Variants in TFEC observed in about 807,000 individuals in gnomAD.
The protein encoded by TFEC is class E basic helix-loop-helix protein 34.
Under a neutral mutation model 41.6 loss-of-function variants are expected in TFEC, and 31 were observed. The observed-to-expected ratio is 0.74, with a 90% CI of 0.56 to 1.01. TFEC has a LOEUF of 1.01. Among genes scored for constraint, TFEC ranks in the 50% least tolerant of loss-of-function variants. The pLI is 0.00. For missense variants in TFEC, 402 were observed against 404.1 expected, an observed-to-expected ratio of 0.99 and a Z score of 0.04; for synonymous variants, 143 against 140.6, an observed-to-expected ratio of 1.02 and a Z score of -0.12.
chr7:115,994,911 G>C (rs561559697), intron 1 of TFEC, among the ~76,000 whole-genome samples: 4 of 151,960 alleles, frequency 2.6e-5, no homozygotes, highest in African/African-American at 9.7e-5. Context: ...TGTTTATTGC[G>C]GCACTATTCA....
chr7:116,027,503 G>T (rs140302584), intron 1 of TFEC, among the ~76,000 whole-genome samples: 3 of 152,090 alleles, frequency 2.0e-5, no homozygotes, highest in Non-Finnish European at 2.9e-5. Context: ...GGGTTGAGGC[G>T]GGAGGCTCTT....
intron 1 of TFEC, among the ~76,000 whole-genome samples, chr7:116,137,888 A>T (rs1798464152): frequency 6.6e-6 from 1 of 151,228 alleles, no homozygotes. Context: ...AAATATTAAT[A>T]AATAAATAAT....
chr7:116,000,442 G>C (rs377068287), intron 1 of TFEC, among the ~76,000 whole-genome samples: 2 of 152,170 alleles, frequency 1.3e-5, no homozygotes, highest in African/African-American at 2.4e-5. Context: ...GTCCTAGCTA[G>C]AGCAATCAGA....
At chr7:116,073,329 T>C (rs1796874976) in intron 3 of TFEC, among the ~76,000 whole-genome samples, 1 of 151,740 alleles carries the variant, frequency 6.6e-6, no homozygotes, top group Admixed American at 6.6e-5. Flanking sequence ...GAAAGAAAGA[T>C]CTAAATAATT....
intron 3 of TFEC, among the ~76,000 whole-genome samples, chr7:116,036,528 G>A (rs1309363597): frequency 6.6e-6 from 1 of 152,064 alleles, no homozygotes; most frequent in East Asian, 1.9e-4. Flanking sequence ...TTGTCACATA[G>A]TAGAGAGTAT....
At chr7:116,098,913 A>AGGAAGGAAGGAAGGAG (rs1554419167) in intron 3 of TFEC, among the ~76,000 whole-genome samples, 104 of 149,452 alleles carry the variant, frequency 7.0e-4, no homozygotes, top group African/African-American at 2.6e-3. Flanking sequence ...GAAGGAAGGA[A>AGGAAGGAAGGAAGGAG]GGAAGGAAGG....
intron 3 of TFEC, among the ~76,000 whole-genome samples, chr7:115,967,938 T>C (rs1360664600): frequency 2.0e-5 from 3 of 151,802 alleles, no homozygotes; most frequent in Admixed American, 6.6e-5. Flanking sequence ...TAAAAAGTAA[T>C]AATAAACAGG....
At position 116,091,086 on chromosome 7, in the gene TFEC, C is replaced by T. The variant is rs569748005; in HGVS notation, c.198+19622G>A. 4.0e-5 allele frequency among the ~76,000 whole-genome samples: 6 copies of T among 151,798 alleles called. 1 individual carries two copies. In the South Asian group the frequency reaches 1.3e-3, roughly 32 times the overall value. On this transcript the variant is annotated intron_variant, in intron 3 of 8. Transcript: ENST00000484212. Reference sequence around the variant, plus strand: ...CTATGTAACAAACCTGCACGTTCTGCGCATGTATCCCAGAACTTAAGTATA... The same window carrying T: ...CTATGTAACAAACCTGCACGTTCTGTGCATGTATCCCAGAACTTAAGTATA...
intron 1 of TFEC, among the ~76,000 whole-genome samples, chr7:116,120,706 G>C (rs189212712): frequency 6.6e-6 from 1 of 151,938 alleles, no homozygotes; most frequent in Non-Finnish European, 1.5e-5. Flanking sequence ...TTCCTAAATA[G>C]TGCTTAATGT....
intron 1 of TFEC, among the ~76,000 whole-genome samples, chr7:116,135,043 G>A (rs1200440774): frequency 6.6e-6 from 1 of 152,044 alleles, no homozygotes; most frequent in Non-Finnish European, 1.5e-5. Context: ...AACTAAGATT[G>A]TAGTGAATTT....
chr7:116,068,340 T>C lies in TFEC; in HGVS notation c.198+42368A>G, dbSNP rs189702272. On this transcript the variant is annotated intron_variant, in intron 3 of 8. Transcript: ENST00000484212. ...TAAAATTGTTTGATTAAGTATTACATTGAGTGCAACCTAAAAGCAAGCATT... is the reference window on the plus strand; with the variant it reads ...TAAAATTGTTTGATTAAGTATTACACTGAGTGCAACCTAAAAGCAAGCATT... Among the ~76,000 whole-genome samples the C allele has an allele frequency of 9.0e-4, 136 of 151,910 alleles. 1 individual carries two copies. Among genetic ancestry groups the C allele is most frequent in the Admixed American group, 6.6e-4 (10 of 15,194 alleles).
chr7:115,956,628 C>A, intron 4 of TFEC, 51 bp downstream of exon 4: 2 of 1,360,902 alleles, frequency 1.5e-6, no homozygotes, highest in South Asian at 1.3e-5. Flanking sequence ...TCACTCATAA[C>A]TTATGTCATT....
intron 1 of TFEC, among the ~76,000 whole-genome samples, chr7:116,022,284 T>C (rs1185920720): frequency 6.6e-6 from 1 of 152,202 alleles, no homozygotes; most frequent in Non-Finnish European, 1.5e-5. Flanking sequence ...AGAGAAATTT[T>C]AAGAATCCCC....
At chr7:115,994,028 A>C (rs1228499039) in intron 1 of TFEC, among the ~76,000 whole-genome samples, 2 of 152,224 alleles carry the variant, frequency 1.3e-5, no homozygotes, top group African/African-American at 4.8e-5. Flanking sequence ...ATGGAAGAGA[A>C]CAGAGCCCTC....
Position 115,941,884 on chromosome 7 carries a change from T to C in TFEC, c.663+9A>G. On this transcript the variant is annotated intron_variant, in intron 7 of 7. Transcript: ENST00000265440. ...GCTATGTGACTCATGGCTACATTCT[T>C]ATAAAAACCTGAATCCGAAGTAGAA... 3.7e-6 allele frequency: 6 copies of C among 1,612,924 alleles called. No homozygotes were observed. The highest frequency in any genetic ancestry group is 4.2e-6 in the Non-Finnish European group (5 of 1,179,338).
intron 3 of TFEC, among the ~76,000 whole-genome samples, chr7:116,070,113 AAAC>A (rs1195258535): frequency 1.3e-5 from 2 of 151,322 alleles, no homozygotes; most frequent in South Asian, 2.1e-4. Context: ...AGCAATATAA[AAAC>A]AACATAAATA....
chr7:115,966,608 T>A (rs1016140701), intron 3 of TFEC, among the ~76,000 whole-genome samples: 7 of 151,736 alleles, frequency 4.6e-5, no homozygotes, highest in Non-Finnish European at 8.8e-5. Flanking sequence ...TATAAAGAAG[T>A]AGAGAGCTTG....
At chr7:115,993,979 A>G (rs971485985) in intron 1 of TFEC, among the ~76,000 whole-genome samples, 8 of 152,210 alleles carry the variant, frequency 5.3e-5, no homozygotes, top group African/African-American at 1.7e-4. Flanking sequence ...CAGTAACCAA[A>G]ACAGCATGGT....
intron 5 of TFEC, among the ~76,000 whole-genome samples, chr7:115,952,710 T>C (rs1299650846): frequency 6.6e-6 from 1 of 152,058 alleles, no homozygotes; most frequent in Non-Finnish European, 1.5e-5. Context: ...AGGAGTCAAG[T>C]TTTAAGAAAT....
Sources: allele counts gnomAD v4.1 joint callset (sites outside exome capture counted in the v4.1 genomes callset), GRCh38; gene constraint gnomAD v4.1.1; transcripts MANE v1.5; gene names NCBI Gene and HGNC (gene_info 2026-07-23, HGNC 2026-07-21).